Variants in PDCD11 observed in about 807,000 individuals in gnomAD.
PDCD11 encodes the protein programmed cell death 11.
A neutral mutation model predicts 198.9 loss-of-function variants in PDCD11; 97 were observed. The ratio of observed to expected loss-of-function variants is 0.49; its 90% CI spans 0.41 to 0.58. The LOEUF (loss-of-function observed/expected upper bound fraction) is 0.58. Ranked by LOEUF, PDCD11 falls within the 20% of genes least tolerant of loss-of-function variation. The probability of loss-of-function intolerance (pLI) is 0.00; values close to 1 mark genes in which losing one functional copy is unlikely to be tolerated. For missense variants in PDCD11, 2,102 were observed against 2,312.7 expected, an observed-to-expected ratio of 0.91 and a Z score of 1.87; for synonymous variants, 893 against 918.0, an observed-to-expected ratio of 0.97 and a Z score of 0.49.
At position 103,428,725 on chromosome 10, in the gene PDCD11, C is replaced by T. The variant is rs537792848; in HGVS notation, c.3368+1334C>T. Among the ~76,000 whole-genome samples the T allele has an allele frequency of 1.1e-4, 16 of 152,268 alleles. No individual in the cohort carries two copies. In the South Asian group the frequency reaches 1.5e-3, roughly 14 times the overall value. On this transcript the variant is annotated intron_variant, in intron 21 of 35. Transcript: ENST00000369797. The stretch of plus-strand genomic sequence containing the variant: ...TAAATGGTTTTTGATCCTAGGAGTA[C>T]TGAGGAACCCCTCATTAACACTGCT...
At chr10:103,422,013 CT>C (rs936508153) in intron 17 of PDCD11, among the ~76,000 whole-genome samples, 5 of 137,908 alleles carry the variant, frequency 3.6e-5, no homozygotes, top group African/African-American at 5.3e-5. Flanking sequence ...ATTGGGTTAA[CT>C]TTTTTTTTAA....
chr10:103,400,275 A>C, intron 2 of PDCD11, 122 bp from the exon 3 acceptor site: 1 of 223,370 alleles, frequency 4.5e-6, no homozygotes. Context: ...TGGGAGTGGG[A>C]TGGGGTAGGG....
intron 18 of PDCD11, among the ~76,000 whole-genome samples, 155 bp downstream of exon 18, chr10:103,423,292 G>A (rs2031543577): frequency 6.6e-6 from 1 of 152,152 alleles, no homozygotes; most frequent in Non-Finnish European, 1.5e-5. Flanking sequence ...AAAGGCTTAG[G>A]TATGAATCCT....
In PDCD11 at chr10:103,414,091, G is replaced by A. The variant is rs1394758365; in HGVS notation, c.1310+1G>A. Reference sequence around the variant, plus strand: ...AACTGGCCTTGCTCTCTCTACGAACGTAAGTCTGTCATTAACAGGTAGGGG... The same window carrying A: ...AACTGGCCTTGCTCTCTCTACGAACATAAGTCTGTCATTAACAGGTAGGGG... On this transcript the variant is annotated splice_donor_variant, in intron 10 of 35. Transcript: ENST00000369797. LOFTEE classifies it high-confidence loss of function. 3.7e-6 allele frequency: 6 copies of A among 1,609,454 alleles called. No homozygotes were observed. Among genetic ancestry groups the A allele is most frequent in the Non-Finnish European group, 5.1e-6 (6 of 1,177,860 alleles).
In PDCD11 at chr10:103,404,310, T is replaced by C. The variant is rs554619816; in HGVS notation, c.403-712T>C. Among the ~76,000 whole-genome samples, 28 of 141,716 alleles carry C rather than the reference T, an allele frequency of 2.0e-4. 1 individual carries two copies. In the South Asian group the frequency reaches 6.1e-3, roughly 31 times the overall value. 93.0% of individuals were successfully genotyped at this position (141,716 alleles called of 152,430 possible). A position where few individuals can be genotyped will look rare whatever the true frequency, so the allele number is the denominator to read the frequency against. On this transcript the variant is annotated intron_variant, in intron 4 of 35. Coordinates refer to ENST00000369797, the MANE Select transcript of PDCD11 (RefSeq NM_014976.2). The stretch of plus-strand genomic sequence containing the variant: ...GACCTATGATTTTTGTTTGTTTGTT[T>C]GTTTTTGAGATGGAGTCTCACTCTT...
At chr10:103,443,361 C>G (rs778428411) in intron 33 of PDCD11, 28 bp downstream of exon 33, 1 of 1,573,664 alleles carries the variant, frequency 6.4e-7, no homozygotes, top group Non-Finnish European at 8.7e-7. Context: ...AGACGAACTC[C>G]TGGGAGTTCC....
chr10:103,427,580 G>T (rs762573906), intron 21 of PDCD11, among the ~76,000 whole-genome samples, 189 bp downstream of exon 21: 17 of 152,146 alleles, frequency 1.1e-4, no homozygotes, highest in Non-Finnish European at 2.5e-4. Context: ...GAAAATTAAT[G>T]CAAAAGCTGT....
At position 103,398,508 on chromosome 10, in the gene PDCD11, G is replaced by A. The variant is rs1223935368; in HGVS notation, c.82G>A (p.Glu28Lys). Residue 28 changes from glutamate to lysine, a missense_variant, in exon 2 of 36, where the codon GAA becomes AAA. By Grantham distance (56) the Glu-to-Lys change is moderately conservative. Transcript: ENST00000369797. ...AGAGAAAGCTTTCCAGCAGTCAGTT[G>A]AACAAGACAACTTATTTGATGTAAG... ...KPEKAFQQSV[E>K]QDNLFDISTE... 16 of 1,611,754 alleles carry A rather than the reference G, an allele frequency of 9.9e-6. No homozygotes were observed. The highest frequency in any genetic ancestry group is 1.3e-5 in the Non-Finnish European group (15 of 1,177,808).
At chr10:103,414,407 C>G in intron 11 of PDCD11, 77 bp downstream of exon 11, 1 of 978,468 alleles carries the variant, frequency 1.0e-6, no homozygotes. Context: ...GACTGTCAGC[C>G]CGTTAGTCCT....
rs372009326 is a variant in PDCD11, at chr10:103,406,125, G to A, written c.688+17G>A. The A allele has an allele frequency of 5.0e-6, 8 of 1,613,672 alleles. No homozygotes were observed. The highest frequency in any genetic ancestry group is 6.8e-6 in the Non-Finnish European group (8 of 1,179,742). Reference sequence around the variant, plus strand: ...AGAACAAAGGTGAGGGCAAGAAAAGGGGCCAGTACATGGTGGTGAGGTGGT... The same window carrying A: ...AGAACAAAGGTGAGGGCAAGAAAAGAGGCCAGTACATGGTGGTGAGGTGGT... On this transcript the variant is annotated intron_variant, in intron 6 of 35. Coordinates refer to ENST00000369797, the MANE Select transcript of PDCD11 (RefSeq NM_014976.2).
intron 33 of PDCD11, 24 bp from the exon 34 acceptor site, chr10:103,443,891 A>C (rs2032492064): frequency 6.2e-7 from 1 of 1,612,194 alleles, no homozygotes; most frequent in Non-Finnish European, 8.5e-7. Flanking sequence ...CACTCTCCTC[A>C]GCGTGCCTCG....
At chr10:103,439,375 T>C (rs573651258) in intron 27 of PDCD11, among the ~76,000 whole-genome samples, 1 of 152,220 alleles carries the variant, frequency 6.6e-6, no homozygotes, top group Non-Finnish European at 1.5e-5. Flanking sequence ...AATACATAAA[T>C]GTGGATATTC....
rs529794978 is a variant in PDCD11 at position 103,419,576 on chromosome 10, A to G, written c.2145A>G (p.Glu715=). The change falls in exon 16 of 36, where the codon GAA becomes GAG. Residue 715 remains glutamate, a synonymous_variant. Transcript: ENST00000369797. ...AGCCAGCCTTGGTCTCCACAGTAGAAGGTGGCCAGGATCCCAAGAACTTCT... is the reference window on the plus strand; with the variant it reads ...AGCCAGCCTTGGTCTCCACAGTAGAGGGTGGCCAGGATCCCAAGAACTTCT... ...CRKPALVSTV[E]GGQDPKNFSE... is the part of the protein sequence containing the mutation. 1.1e-5 allele frequency: 17 copies of G among 1,614,110 alleles called. No individual in the cohort carries two copies. The South Asian group carries it at 1.8e-4, about 17-fold the overall frequency.
chr10:103,421,390 G>A lies in PDCD11; in HGVS notation c.2320G>A (p.Val774Ile). Reference protein sequence around the residue: ...KFVTSTSDHFVEGQTVAAKVT... With the variant: ...KFVTSTSDHFIEGQTVAAKVT... ...TGTGACCTCCACAAGTGACCACTTT[G>A]TTGAGGGCCAGACAGTAGCGGCAAA... The change falls in exon 17 of 36, where the codon GTT (valine) becomes ATT (isoleucine). Residue 774 changes from valine (V) to isoleucine (I), a missense_variant. Coordinates refer to ENST00000369797, the MANE Select transcript of PDCD11 (RefSeq NM_014976.2). 1 of 1,610,186 alleles carries A rather than the reference G, an allele frequency of 6.2e-7. No individual in the cohort carries two copies.
intron 7 of PDCD11, among the ~76,000 whole-genome samples, chr10:103,408,646 T>A (rs930168991): frequency 3.3e-5 from 5 of 152,122 alleles, no homozygotes; most frequent in African/African-American, 1.2e-4. Flanking sequence ...GTTCAAGTGA[T>A]TCTCCTGCGT....
intron 25 of PDCD11, among the ~76,000 whole-genome samples, chr10:103,435,225 T>A (rs1431568289): frequency 1.3e-5 from 2 of 152,082 alleles, no homozygotes; most frequent in African/African-American, 2.4e-5. Flanking sequence ...TGATATACTG[T>A]TTTTTTCTCA....
Position 103,423,019 on chromosome 10 carries a change from G to A in PDCD11, c.2529G>A (p.Met843Ile), listed in dbSNP as rs763589087. 1.3e-6 allele frequency: 2 copies of A among 1,582,840 alleles called. No individual in the cohort carries two copies. Reference sequence around the variant, plus strand: ...TGTTGATCCAGACGCTGGCCGAGATGACCCCAGGAATGTTCCTTGACCTAG... The same window carrying A: ...TGTTGATCCAGACGCTGGCCGAGATAACCCCAGGAATGTTCCTTGACCTAG... Reference protein sequence around the residue: ...DSVLIQTLAEMTPGMFLDLVV... With the variant: ...DSVLIQTLAEITPGMFLDLVV... The change falls in exon 18 of 36, where the codon ATG (methionine) becomes ATA (isoleucine). Residue 843 changes from methionine (M) to isoleucine (I), a missense_variant. Coordinates refer to ENST00000369797, the MANE Select transcript of PDCD11 (RefSeq NM_014976.2).
chr10:103,429,890 A>G (rs189098188), intron 21 of PDCD11, among the ~76,000 whole-genome samples: 12 of 152,284 alleles, frequency 7.9e-5, no homozygotes, highest in African/African-American at 2.9e-4. Flanking sequence ...AATGGAACAC[A>G]TACAGTATGC....
At chr10:103,398,993 G>A (rs952288890) in intron 2 of PDCD11, among the ~76,000 whole-genome samples, 5 of 152,024 alleles carry the variant, frequency 3.3e-5, no homozygotes, top group African/African-American at 4.8e-5. Flanking sequence ...CTGCCTGGGC[G>A]ACAGAGTGAG....
Sources: gnomAD v4.1 joint callset for allele counts (sites outside exome capture counted in the v4.1 genomes callset) on GRCh38, gnomAD v4.1.1 for gene constraint, MANE v1.5 for transcripts, NCBI Gene and HGNC (gene_info 2026-07-23, HGNC 2026-07-21) for gene names.